KIF26A: variants seen among roughly 807,000 people sequenced by gnomAD.
The protein encoded by KIF26A is kinesin-like protein KIF26A.
A neutral mutation model predicts 126.0 loss-of-function variants in KIF26A; 74 were observed. The observed-to-expected ratio is 0.59, with a 90% confidence interval of 0.49 to 0.71. The LOEUF (loss-of-function observed/expected upper bound fraction) is 0.71, where lower values mean the gene tolerates loss of function less well. Among genes scored for constraint, KIF26A ranks in the 30% least tolerant of loss-of-function variants. KIF26A has a pLI of 0.00. For synonymous variants in KIF26A, 1,445 were observed against 1,232.7 expected (o/e 1.17, Z -3.61); for missense variants, 2,984 against 2,763.3 (o/e 1.08, Z -1.79).
At position 104,147,874 on chromosome 14, in the gene KIF26A, G is replaced by T. The variant is rs188047578; in HGVS notation, c.289-4141G>T. Among the ~76,000 whole-genome samples the T allele has an allele frequency of 3.9e-5, 6 of 152,332 alleles. No homozygotes were observed. The East Asian group carries it at 9.7e-4, about 25-fold the overall frequency. Reference sequence around the variant, plus strand: ...GGTCGGGGAGGGGCTTCGGGGCCTAGTTACCCTCCCAGCGGCCCTGCCAGT... The same window carrying T: ...GGTCGGGGAGGGGCTTCGGGGCCTATTTACCCTCCCAGCGGCCCTGCCAGT... On this transcript the variant is annotated intron_variant, in intron 2 of 14. Coordinates refer to ENST00000423312, the MANE Select transcript of KIF26A (RefSeq NM_015656.2).
intron 12 of KIF26A, 25 bp from the exon 13 acceptor site, chr14:104,178,525 C>T (rs1018112522): frequency 2.8e-6 from 4 of 1,431,550 alleles, no homozygotes; most frequent in South Asian, 3.0e-5. Flanking sequence ...CCTCTGTTCA[C>T]CCTGTGCCCG....
Position 104,176,047 on chromosome 14 carries a change from A to G in KIF26A, c.3259A>G (p.Thr1087Ala), listed in dbSNP as rs1268530941. ...CATCAATGATGAGTTTGACGCCTAC[A>G]CCTCTCAGGCCCCTGAGGGGGGGCC... is the stretch of plus-strand genomic sequence containing the variant. ...SSINDEFDAYTSQAPEGGPLE... is the reference protein window; with the variant it reads ...SSINDEFDAYASQAPEGGPLE... The change falls in exon 12 of 15, where the codon ACC becomes GCC. Residue 1087 changes from threonine to alanine, a missense_variant. Thr to Ala is a moderately conservative substitution (Grantham distance 58, BLOSUM62 0). Coordinates refer to ENST00000423312, the MANE Select transcript of KIF26A (RefSeq NM_015656.2). 1.9e-6 allele frequency: 3 copies of G among 1,595,042 alleles called. No homozygotes were observed. The highest frequency in any genetic ancestry group is 1.6e-4 in the Middle Eastern group (1 of 6,068).
chr14:104,179,855 G>A lies in KIF26A; in HGVS notation c.*65G>A, dbSNP rs141368140. ...TGGAGGACGGGACGTGGGACGGAGC[G>A]AGGATGTGGTGGGGGCTGCGGGGGG... is the stretch of plus-strand genomic sequence containing the variant. On this transcript the variant is annotated 3_prime_UTR_variant, in exon 15 of 15. Coordinates refer to ENST00000423312, the MANE Select transcript of KIF26A (RefSeq NM_015656.2). The A allele has an allele frequency of 6.9e-4, 986 of 1,431,734 alleles. 6 individuals are homozygous for A. The African/African-American group carries it at 0.011, about 16-fold the overall frequency. 88.7% of individuals were successfully genotyped at this position (1,431,734 alleles called of 1,614,324 possible). A position where few individuals can be genotyped will look rare whatever the true frequency, so the allele number is the denominator to read the frequency against.
chr14:104,139,326 G>C, intron 2 of KIF26A, 38 bp downstream of exon 2: 1 of 1,394,544 alleles, frequency 7.2e-7, no homozygotes, highest in Non-Finnish European at 9.4e-7. Flanking sequence ...CTCCGAGCAG[G>C]GCCACGCCGA....
intron 2 of KIF26A, among the ~76,000 whole-genome samples, chr14:104,141,647 T>A (rs2037638412): frequency 6.7e-6 from 1 of 149,408 alleles, no homozygotes; most frequent in African/African-American, 2.5e-5. Flanking sequence ...GAGGGAGGCG[T>A]AGAGGGTCGG....
At position 104,151,136 on chromosome 14, in the gene KIF26A, G is replaced by T. The variant is rs1314514808; in HGVS notation, c.289-879G>T. ...CCCTCCCAGTGAGCTTTGCTCTGTG[G>T]CTTGTCTCCTTCTTGCTCCTCCTCC... On this transcript the variant is annotated intron_variant, in intron 2 of 14. Transcript: ENST00000423312. This position sits in a 1 kb window ranked among gnomAD's most constrained non-coding sequence, Gnocchi z 4.9. 6.6e-6 allele frequency among the ~76,000 whole-genome samples: 1 copy of T among 152,182 alleles called. No individual in the cohort carries two copies.
At chr14:104,172,005 G>C in intron 6 of KIF26A, 70 bp downstream of exon 6, 15 of 1,400,906 alleles carry the variant, frequency 1.1e-5, no homozygotes, top group Non-Finnish European at 1.4e-5. Context: ...ACATGGGTCC[G>C]ATCTGCGCCC....
rs762902271 is a variant in KIF26A, at chr14:104,171,753, C to G, written c.1144C>G (p.Gln382Glu). 6.3e-7 allele frequency: 1 copy of G among 1,579,920 alleles called. No homozygotes were observed. The highest frequency in any genetic ancestry group is 1.2e-5 in the South Asian group (1 of 86,194). ...GGTTATGCTGCGGATCTGGCCCGCA[C>G]AGGGGGCCCAGCGCTCGGCCGAGGC... ...VKVMLRIWPA[Q>E]GAQRSAEAMS... The change falls in exon 6 of 15, where the codon CAG becomes GAG. Residue 382 changes from glutamine (Q) to glutamate (E), a missense_variant. Transcript: ENST00000423312.
chr14:104,176,502 G>T lies in KIF26A; in HGVS notation c.3714G>T (p.Leu1238=). Reference sequence around the variant, plus strand: ...AGAGCCCACCTGGCCGTGGAGGCCTGTTTGAGGACCCATGGCTGCTCCGGG... The same window carrying T: ...AGAGCCCACCTGGCCGTGGAGGCCTTTTTGAGGACCCATGGCTGCTCCGGG... ...LGQSPPGRGG[L]FEDPWLLRVG... is the part of the protein sequence containing the mutation. The change falls in exon 12 of 15, where the codon CTG becomes CTT. Residue 1238 remains leucine (L), a synonymous_variant. Transcript: ENST00000423312. 17 of 1,605,660 alleles carry T rather than the reference G, an allele frequency of 1.1e-5. No individual in the cohort carries two copies. The highest frequency in any genetic ancestry group is 1.4e-5 in the Non-Finnish European group (17 of 1,179,658).
rs752008596 is a variant in KIF26A, at chr14:104,177,674, A to G, written c.4886A>G (p.His1629Arg). 13 of 1,530,524 alleles carry G rather than the reference A, an allele frequency of 8.5e-6. No individual in the cohort carries two copies. Among genetic ancestry groups the G allele is most frequent in the South Asian group, 4.8e-5 (4 of 83,406 alleles). The allele number at this position is 1,530,524 out of a possible 1,614,324, so 94.8% of individuals were successfully genotyped here. Residue 1629 changes from histidine (H) to arginine (R), a missense_variant, in exon 12 of 15, where the codon CAT (histidine) becomes CGT (arginine). Transcript: ENST00000423312. The stretch of plus-strand genomic sequence containing the variant: ...CGGCCCCAGCGCTACAGCAGCGGCC[A>G]TGGCAGCGACAACAGCAGCGTGCTG... ...PRRPQRYSSG[H>R]GSDNSSVLSG...
Position 104,138,693 on chromosome 14 carries a change from C to T in KIF26A, c.-30C>T. 4 of 1,266,542 alleles carry T rather than the reference C, an allele frequency of 3.2e-6. No individual in the cohort carries two copies. Among genetic ancestry groups the T allele is most frequent in the South Asian group, 2.5e-5 (1 of 39,978 alleles). 78.5% of individuals were successfully genotyped at this position (1,266,542 alleles called of 1,614,324 possible). A position where few individuals can be genotyped will look rare whatever the true frequency, so the allele number is the denominator to read the frequency against. ...CCCGGAGAGCCAGCGTGGCCGGGAG[C>T]GCCTGCCGGGCTCTTCCCGCGCCCC... On this transcript the variant is annotated 5_prime_UTR_variant, in exon 1 of 15. Coordinates refer to ENST00000423312, the MANE Select transcript of KIF26A (RefSeq NM_015656.2).
chr14:104,177,788 G>A lies in KIF26A; in HGVS notation c.5000G>A (p.Ser1667Asn). 1 of 1,554,600 alleles carries A rather than the reference G, an allele frequency of 6.4e-7. No individual in the cohort carries two copies. Among genetic ancestry groups the A allele is most frequent in the Non-Finnish European group, 8.6e-7 (1 of 1,157,922 alleles). Residue 1667 changes from serine (S) to asparagine (N), a missense_variant, in exon 12 of 15, where the codon AGC (serine) becomes AAC (asparagine). Ser to Asn is a conservative substitution (Grantham distance 46). Coordinates refer to ENST00000423312, the MANE Select transcript of KIF26A (RefSeq NM_015656.2). ...GGCTATGAGAGCCTGCGGCGCGACA[G>A]CGAGGCCACCGGCAGCGCCTCCTCC... ...SSGYESLRRD[S>N]EATGSASSAP... is the part of the protein sequence containing the mutation.
At chr14:104,171,662 C>T (rs2037958012) in intron 5 of KIF26A, 61 bp from the exon 6 acceptor site, 2 of 1,431,900 alleles carry the variant, frequency 1.4e-6, no homozygotes, top group African/African-American at 1.4e-5. Flanking sequence ...CCCTCCTGCC[C>T]TGTAATTAGT....
chr14:104,151,974 C>G lies in KIF26A; in HGVS notation c.289-41C>G, dbSNP rs867072516. 12 of 1,590,018 alleles carry G rather than the reference C, an allele frequency of 7.5e-6. No individual in the cohort carries two copies. The Middle Eastern group carries it at 8.4e-4, about 111-fold the overall frequency. ...TGGGCTCTGGGTGCCGGCCCTCCCT[C>G]CCCAGGCACTGACCCTGCCTTTGTC... On this transcript the variant is annotated intron_variant, in intron 2 of 14. Coordinates refer to ENST00000423312, the MANE Select transcript of KIF26A (RefSeq NM_015656.2). This position sits in a 1 kb window ranked among gnomAD's most constrained non-coding sequence, Gnocchi z 4.9.
In KIF26A at chr14:104,179,275, C is replaced by A; in HGVS notation, c.5356C>A (p.Arg1786Ser). 6.5e-7 allele frequency: 1 copy of A among 1,527,706 alleles called. No individual in the cohort carries two copies. The allele number at this position is 1,527,706 out of a possible 1,614,324, so 94.6% of individuals were successfully genotyped here. ...CVSTRLRLAERRQQRLREVQA... is the reference protein window; with the variant it reads ...CVSTRLRLAESRQQRLREVQA... ...CAGTACAAGGCTGCGGCTGGCGGAG[C>A]GCAGGCAGCAGCGGCTGCGGGAGGT... The change falls in exon 14 of 15, where the codon CGC (arginine) becomes AGC (serine). Residue 1786 changes from arginine to serine, a missense_variant. Physicochemically the swap from Arg to Ser is moderately radical, Grantham distance 110. Transcript: ENST00000423312.
chr14:104,159,424 TC>T (rs2037813160), intron 4 of KIF26A, among the ~76,000 whole-genome samples: 1 of 152,150 alleles, frequency 6.6e-6, no homozygotes, highest in African/African-American at 2.4e-5. Flanking sequence ...GCTCCCCCGG[TC>T]CCTGATGCTA....
At position 104,175,162 on chromosome 14, in the gene KIF26A, T is replaced by C; in HGVS notation, c.2374T>C (p.Tyr792His). ...SSEQSCDTVI[Y>H]VGPGGAALSD... ...CGAGCAGTCCTGTGACACGGTCATC[T>C]ACGTGGGGCCCGGTGGGGCGGCGCT... is the stretch of plus-strand genomic sequence containing the variant. Residue 792 changes from tyrosine to histidine, a missense_variant, in exon 12 of 15, where the codon TAC becomes CAC. Coordinates refer to ENST00000423312, the MANE Select transcript of KIF26A (RefSeq NM_015656.2). 6.2e-7 allele frequency: 1 copy of C among 1,607,612 alleles called. No individual in the cohort carries two copies. The highest frequency in any genetic ancestry group is 2.2e-5 in the East Asian group (1 of 44,684).
chr14:104,164,270 G>A (rs1285148394), intron 4 of KIF26A, among the ~76,000 whole-genome samples: 1 of 151,092 alleles, frequency 6.6e-6, no homozygotes, highest in Non-Finnish European at 1.5e-5. Flanking sequence ...CGTGGGGCAT[G>A]TTAGGGGACA....
At chr14:104,170,766 T>G (rs1305696715) in intron 5 of KIF26A, among the ~76,000 whole-genome samples, 1 of 152,234 alleles carries the variant, frequency 6.6e-6, no homozygotes, top group African/African-American at 2.4e-5. Context: ...CTGCTGTGGA[T>G]GGGTTTCGGA....
Sources: gnomAD v4.1 joint callset for allele counts (sites outside exome capture counted in the v4.1 genomes callset) on GRCh38, gnomAD v4.1.1 for gene constraint, Gnocchi (gnomAD v3.1) non-coding constraint, MANE v1.5 for transcripts, NCBI Gene and HGNC (gene_info 2026-07-23, HGNC 2026-07-21) for gene names.